Variants in SBNO2 observed in about 807,000 individuals in gnomAD.
The protein encoded by SBNO2 is strawberry notch homolog 2.
Under a neutral mutation model 146.3 loss-of-function variants are expected in SBNO2, and 89 were observed. The ratio of observed to expected loss-of-function variants is 0.61; its 90% CI spans 0.51 to 0.73. SBNO2 has a LOEUF of 0.73. Ranked by LOEUF, SBNO2 falls within the 30% of genes least tolerant of loss-of-function variation. The probability of loss-of-function intolerance (pLI) is 0.00; values close to 1 mark genes in which losing one functional copy is unlikely to be tolerated. For synonymous variants in SBNO2, 1,147 were observed against 892.6 expected (o/e 1.29, Z -5.08); for missense variants, 2,092 against 2,003.7 (o/e 1.04, Z -0.84).
At position 1,144,777 on chromosome 19, in the gene SBNO2, CAA is replaced by C. The variant is rs767494047; in HGVS notation, c.279+2530_279+2531del. 8.3e-5 allele frequency among the ~76,000 whole-genome samples: 11 copies of C among 132,016 alleles called. No individual in the cohort carries two copies. The highest frequency in any genetic ancestry group is 1.8e-4 in the Non-Finnish European group (11 of 61,772). 86.6% of individuals were successfully genotyped at this position (132,016 alleles called of 152,430 possible). On this transcript the variant is annotated intron_variant, in intron 4 of 31. Coordinates refer to ENST00000361757, the MANE Select transcript of SBNO2 (RefSeq NM_014963.3). The surrounding 1 kb of genome is among the most constrained non-coding windows in gnomAD (Gnocchi z 4.1). ...GGAGACAGAGAGACAGAGGCAGAGA[CAA>C]AGAGACAGAGACAGAGAGGGAGACA...
chr19:1,115,226 C>A (rs1406898431), intron 17 of SBNO2: 1 of 151,034 alleles, frequency 6.6e-6, no homozygotes, highest in Admixed American at 6.6e-5. Flanking sequence ...ACCCACTGCA[C>A]CTAGCCAATA....
rs755629869 is a variant in SBNO2 at position 1,110,788 on chromosome 19, G to A, written c.2985C>T (p.Ile995=). The A allele has an allele frequency of 1.6e-5, 26 of 1,613,458 alleles. 1 individual carries two copies. The highest frequency in any genetic ancestry group is 3.3e-4 in the Middle Eastern group (2 of 6,080). ...ATTTGCCCTCCCGCTTGTCCATCTCGATGAGGTGGTCGAAGGTGTCTGAGA... is the reference window on the plus strand; with the variant it reads ...ATTTGCCCTCCCGCTTGTCCATCTCAATGAGGTGGTCGAAGGTGTCTGAGA... ...QYFSDTFDHL[I]EMDKREGKYD... The change falls in exon 26 of 32, where the codon ATC becomes ATT. Residue 995 remains isoleucine (I), a synonymous_variant. Coordinates refer to ENST00000361757, the MANE Select transcript of SBNO2 (RefSeq NM_014963.3). The surrounding 1 kb of genome is among the most constrained non-coding windows in gnomAD (Gnocchi z 4.9).
At chr19:1,131,869 C>T (rs547979427) in intron 4 of SBNO2, among the ~76,000 whole-genome samples, 148 of 152,336 alleles carry the variant, frequency 9.7e-4, no homozygotes, top group African/African-American at 3.4e-3. Context: ...GCTCCCAGCC[C>T]GAAGTCTTAA....
At position 1,109,374 on chromosome 19, in the gene SBNO2, T is replaced by C. The variant is rs746807840; in HGVS notation, c.3266A>G (p.Gln1089Arg). Residue 1089 changes from glutamine (Q) to arginine (R), a missense_variant, in exon 29 of 32, where the codon CAG (glutamine) becomes CGG (arginine). Coordinates refer to ENST00000361757, the MANE Select transcript of SBNO2 (RefSeq NM_014963.3). This position sits in a 1 kb window ranked among gnomAD's most constrained non-coding sequence, Gnocchi z 4.2. ...GTTGGGCTTGTACACCGTGAAGAAC[T>C]GGCCGCGGTTCTGCTCCGCCAGCAG... ...SCLLAEQNRG[Q>R]FFTVYKPNIG... 4 of 1,577,730 alleles carry C rather than the reference T, an allele frequency of 2.5e-6. No homozygotes were observed. Among genetic ancestry groups the C allele is most frequent in the Non-Finnish European group, 3.4e-6 (4 of 1,162,906 alleles).
chr19:1,151,082 T>G (rs1379461510), intron 2 of SBNO2, among the ~76,000 whole-genome samples: 1 of 152,150 alleles, frequency 6.6e-6, no homozygotes, highest in Non-Finnish European at 1.5e-5. Context: ...TCCTGATCCT[T>G]CCCCTCCTCC....
At position 1,113,697 on chromosome 19, in the gene SBNO2, C is replaced by A. The variant is rs1215894120; in HGVS notation, c.2085G>T (p.Leu695=). ...CATGCGGGTCTCTCTGCAGGAGGCA[C>A]AGGGGTCCTAGGGAGGAGGTGGAGG... ...VGLPSDDRGP[L]CLLQRDPHGP... Residue 695 remains leucine (L), a synonymous_variant, in exon 19 of 32, where the codon CTG becomes CTT. Transcript: ENST00000361757. The A allele has an allele frequency of 6.4e-7, 1 of 1,573,940 alleles. No individual in the cohort carries two copies. The highest frequency in any genetic ancestry group is 8.6e-7 in the Non-Finnish European group (1 of 1,161,182).
chr19:1,111,295 C>T lies in SBNO2; in HGVS notation c.2810-202G>A, dbSNP rs994778770. 4.6e-5 allele frequency among the ~76,000 whole-genome samples: 7 copies of T among 152,326 alleles called. No homozygotes were observed. In the South Asian group the frequency reaches 6.2e-4, roughly 14 times the overall value. ...CATGTTCTTGGGGAGTAAACCCAAA[C>T]CCCAGGCCCCTCAGCTGCCCTGGAA... On this transcript the variant is annotated intron_variant, in intron 24 of 31. Transcript: ENST00000361757.
At chr19:1,124,857 G>A (rs966185493) in intron 5 of SBNO2, among the ~76,000 whole-genome samples, 11 of 152,118 alleles carry the variant, frequency 7.2e-5, no homozygotes, top group Non-Finnish European at 1.5e-4. Flanking sequence ...AACTGACTGG[G>A]CGTGTAAAGC....
In SBNO2 at chr19:1,140,640, G is replaced by T. The variant is rs962449030; in HGVS notation, c.279+6669C>A. On this transcript the variant is annotated intron_variant, in intron 4 of 31. Transcript: ENST00000361757. This position sits in a 1 kb window ranked among gnomAD's most constrained non-coding sequence, Gnocchi z 4.4. ...TGGCCAGGGAGCAGGCAGAGAGCGG[G>T]GAAGGGGTGGGGGTCCCACACAGAC... Among the ~76,000 whole-genome samples the T allele has an allele frequency of 1.3e-5, 2 of 152,184 alleles. No homozygotes were observed. Among genetic ancestry groups the T allele is most frequent in the Admixed American group, 1.3e-4 (2 of 15,282 alleles).
chr19:1,155,782 C>A (rs571632596), intron 1 of SBNO2, among the ~76,000 whole-genome samples: 32 of 152,344 alleles, frequency 2.1e-4, no homozygotes, highest in Admixed American at 6.5e-4. Context: ...CCCAAGGCAG[C>A]TGCTGATACC....
At chr19:1,156,637 G>C (rs1404814446) in intron 1 of SBNO2, among the ~76,000 whole-genome samples, 2 of 152,110 alleles carry the variant, frequency 1.3e-5, no homozygotes, top group African/African-American at 4.8e-5. Context: ...CATGTGGCGT[G>C]GCCCATCCAC....
chr19:1,131,024 C>A (rs183345109), intron 4 of SBNO2, among the ~76,000 whole-genome samples: 1 of 152,182 alleles, frequency 6.6e-6, no homozygotes, highest in African/African-American at 2.4e-5. Context: ...ATGTGGGAAG[C>A]TGAACAGAGC....
intron 11 of SBNO2, 89 bp downstream of exon 11, chr19:1,122,050 C>A: frequency 1.9e-5 from 11 of 565,376 alleles, no homozygotes; most frequent in Non-Finnish European, 2.5e-5. Flanking sequence ...TCCCCTGACT[C>A]CCACCCCTCC....
intron 1 of SBNO2, among the ~76,000 whole-genome samples, chr19:1,169,328 C>T (rs546457584): frequency 5.3e-4 from 80 of 152,208 alleles, no homozygotes; most frequent in Non-Finnish European, 1.0e-3. Context: ...GCACAGGGCA[C>T]GAGTGCGGCC....
At position 1,119,227 on chromosome 19, in the gene SBNO2, C is replaced by T. The variant is rs955229679; in HGVS notation, c.1374-63G>A. The T allele has an allele frequency of 2.9e-5, 45 of 1,530,068 alleles. No homozygotes were observed. In the South Asian group the frequency reaches 4.5e-4, roughly 15 times the overall value. 94.8% of individuals were successfully genotyped at this position (1,530,068 alleles called of 1,614,324 possible). ...CCCGTGGGGATGGAGCCACTCGGAG[C>T]GCGAGGCAGAGCCAGTCGCAGAGAG... On this transcript the variant is annotated intron_variant, in intron 13 of 31. Transcript: ENST00000361757.
chr19:1,149,240 T>G (rs1164156043), intron 3 of SBNO2, 129 bp downstream of exon 3: 1 of 817,532 alleles, frequency 1.2e-6, no homozygotes, highest in Non-Finnish European at 2.0e-6. Context: ...CAGGACCACG[T>G]GCACACCACC....
chr19:1,154,101 G>A (rs1213892537), intron 2 of SBNO2, 83 bp downstream of exon 2: 8 of 641,840 alleles, frequency 1.2e-5, no homozygotes, highest in Non-Finnish European at 1.8e-5. Flanking sequence ...GCAGCATTCC[G>A]CACGACGTGA....
At position 1,109,064 on chromosome 19, in the gene SBNO2, C is replaced by T; in HGVS notation, c.3425+71G>A. The T allele has an allele frequency of 2.0e-6, 3 of 1,526,160 alleles. No individual in the cohort carries two copies. Among genetic ancestry groups the T allele is most frequent in the Non-Finnish European group, 2.6e-6 (3 of 1,137,178 alleles). The allele number at this position is 1,526,160 out of a possible 1,614,324, so 94.5% of individuals were successfully genotyped here. Reference sequence around the variant, plus strand: ...GATCTCCCGCCTCCTCTCAGGGTCTCGGGAGCCCCCGATCCCCGCCTGGGT... The same window carrying T: ...GATCTCCCGCCTCCTCTCAGGGTCTTGGGAGCCCCCGATCCCCGCCTGGGT... On this transcript the variant is annotated intron_variant, in intron 30 of 31. Coordinates refer to ENST00000361757, the MANE Select transcript of SBNO2 (RefSeq NM_014963.3). The surrounding 1 kb of genome is among the most constrained non-coding windows in gnomAD (Gnocchi z 4.2).
chr19:1,172,116 C>T (rs1009224421), intron 1 of SBNO2, among the ~76,000 whole-genome samples: 39 of 152,152 alleles, frequency 2.6e-4, no homozygotes, highest in African/African-American at 8.7e-4. Flanking sequence ...AGATGTCTGC[C>T]GGGATCCTCA....
Sources: gnomAD v4.1 joint callset for allele counts (sites outside exome capture counted in the v4.1 genomes callset) on GRCh38, gnomAD v4.1.1 for gene constraint, Gnocchi (gnomAD v3.1) non-coding constraint, MANE v1.5 for transcripts, NCBI Gene and HGNC (gene_info 2026-07-23, HGNC 2026-07-21) for gene names.